Variants in NELL1 observed in about 807,000 individuals in gnomAD.
NELL1 encodes protein kinase C-binding protein NELL1.
A neutral mutation model predicts 107.4 loss-of-function variants in NELL1; 76 were observed. The observed-to-expected ratio is 0.71, with a 90% CI of 0.59 to 0.86. The LOEUF (loss-of-function observed/expected upper bound fraction) is 0.86, where lower values mean the gene tolerates loss of function less well. Ranked by LOEUF, NELL1 falls within the 40% of genes least tolerant of loss-of-function variation. The pLI is 0.00. For missense variants in NELL1, 1,024 were observed against 1,005.5 expected (o/e 1.02, Z -0.25); for synonymous variants, 353 against 341.2 (o/e 1.03, Z -0.38).
intron 15 of NELL1, among the ~76,000 whole-genome samples, chr11:21,431,733 G>A (rs535927512): frequency 2.6e-5 from 4 of 152,236 alleles, no homozygotes; most frequent in Non-Finnish European, 4.4e-5. Context: ...GAGTGGCCAC[G>A]ACTGTTTTGC....
intron 14 of NELL1, among the ~76,000 whole-genome samples, chr11:21,262,330 G>A (rs78840525): frequency 5.3e-5 from 8 of 151,780 alleles, no homozygotes; most frequent in East Asian, 3.9e-4. Flanking sequence ...TGAGAGCCCC[G>A]TTCCTATGTA....
At chr11:20,925,020 T>C (rs1850462386) in intron 7 of NELL1, among the ~76,000 whole-genome samples, 1 of 152,194 alleles carries the variant, frequency 6.6e-6, no homozygotes, top group Middle Eastern at 3.2e-3. Context: ...GTATTACTTA[T>C]TATAAGTTAT....
At chr11:20,713,928 T>C (rs1855172893) in intron 2 of NELL1, among the ~76,000 whole-genome samples, 1 of 152,218 alleles carries the variant, frequency 6.6e-6, no homozygotes, top group Admixed American at 6.5e-5. Flanking sequence ...TCTCCTGAGA[T>C]CTGGATATTC....
At chr11:21,457,081 T>G (rs1474660368) in intron 15 of NELL1, among the ~76,000 whole-genome samples, 1 of 152,094 alleles carries the variant, frequency 6.6e-6, no homozygotes, top group Non-Finnish European at 1.5e-5. Flanking sequence ...TTTAAAGAAG[T>G]CTTCTAGAAC....
intron 13 of NELL1, among the ~76,000 whole-genome samples, chr11:21,153,292 T>G (rs1306232113): frequency 2.6e-5 from 4 of 152,104 alleles, no homozygotes; most frequent in African/African-American, 7.2e-5. Flanking sequence ...TGGGGCCTTG[T>G]GTCTGAGTTA....
chr11:21,255,750 C>T (rs1308564374), intron 14 of NELL1, among the ~76,000 whole-genome samples: 2 of 151,882 alleles, frequency 1.3e-5, no homozygotes, highest in Admixed American at 6.6e-5. Context: ...CAGACATACC[C>T]AATTCATTCA....
chr11:21,392,472 C>A (rs1851900473), intron 15 of NELL1, among the ~76,000 whole-genome samples: 1 of 151,716 alleles, frequency 6.6e-6, no homozygotes, highest in African/African-American at 2.4e-5. Flanking sequence ...TTTATCATTT[C>A]TCCTGTGTGC....
intron 15 of NELL1, among the ~76,000 whole-genome samples, chr11:21,451,580 G>T (rs1328392097): frequency 6.6e-6 from 1 of 152,086 alleles, no homozygotes; most frequent in Non-Finnish European, 1.5e-5. Context: ...GTCCCAGAAA[G>T]AAATGAAAAA....
At chr11:21,402,225 A>G (rs972575993) in intron 15 of NELL1, among the ~76,000 whole-genome samples, 1 of 151,786 alleles carries the variant, frequency 6.6e-6, no homozygotes, top group African/African-American at 2.4e-5. Flanking sequence ...AAGTTTGACA[A>G]TTACACTCTA....
At chr11:20,894,733 A>G (rs1564954553) in intron 5 of NELL1, among the ~76,000 whole-genome samples, 2 of 152,212 alleles carry the variant, frequency 1.3e-5, no homozygotes, top group Non-Finnish European at 2.9e-5. Context: ...AAATGGACAT[A>G]TATATGTCCT....
chr11:21,498,333 T>TTATATATATATA lies in NELL1; in HGVS notation c.1646-36038_1646-36027dup, dbSNP rs34418018. On this transcript the variant is annotated intron_variant, in intron 15 of 19. Coordinates refer to ENST00000357134, the MANE Select transcript of NELL1 (RefSeq NM_006157.5). ...ATTTTGCTACACATCCATAAACATA[T>TTATATATATATA]TATATATATATATACATATATATAT... 3.5e-3 allele frequency among the ~76,000 whole-genome samples: 394 copies of TTATATATATATA among 113,640 alleles called. 9 individuals are homozygous for TTATATATATATA. In the East Asian group the frequency reaches 0.054, roughly 15 times the overall value. The allele number at this position is 113,640 out of a possible 152,430, so 74.6% of individuals were successfully genotyped here.
At chr11:21,263,170 A>T (rs1848566909) in intron 14 of NELL1, among the ~76,000 whole-genome samples, 1 of 151,834 alleles carries the variant, frequency 6.6e-6, no homozygotes, top group Non-Finnish European at 1.5e-5. Flanking sequence ...CTGTTAATGG[A>T]GTTCTCACAT....
intron 2 of NELL1, among the ~76,000 whole-genome samples, chr11:20,697,729 T>C (rs1256470485): frequency 1.3e-5 from 2 of 152,138 alleles, no homozygotes; most frequent in African/African-American, 2.4e-5. Flanking sequence ...GGATAAAGTC[T>C]TAAGAGTGTT....
At chr11:21,464,705 G>A (rs1853984911) in intron 15 of NELL1, among the ~76,000 whole-genome samples, 1 of 152,082 alleles carries the variant, frequency 6.6e-6, no homozygotes, top group African/African-American at 2.4e-5. Flanking sequence ...TAAGCTAGTT[G>A]TGTCCCTTTA....
chr11:20,740,669 T>C (rs986813550), intron 2 of NELL1, among the ~76,000 whole-genome samples: 1 of 152,238 alleles, frequency 6.6e-6, no homozygotes, highest in African/African-American at 2.4e-5. Context: ...AATGTTGTCA[T>C]GATGATGACA....
At chr11:20,992,690 T>G (rs1024081214) in intron 12 of NELL1, among the ~76,000 whole-genome samples, 2 of 151,318 alleles carry the variant, frequency 1.3e-5, no homozygotes, top group Admixed American at 1.3e-4. Context: ...TGACTGCTAC[T>G]TCCCTAGGCA....
At chr11:21,174,366 T>C (rs531788449) in intron 13 of NELL1, among the ~76,000 whole-genome samples, 8 of 151,970 alleles carry the variant, frequency 5.3e-5, no homozygotes, top group Middle Eastern at 3.4e-3. Context: ...TTAAGCTTTT[T>C]CCCCCATTCT....
intron 2 of NELL1, among the ~76,000 whole-genome samples, chr11:20,707,007 C>A (rs1377807939): frequency 2.0e-5 from 3 of 152,210 alleles, no homozygotes; most frequent in Admixed American, 6.5e-5. Context: ...GTACACCAAT[C>A]AGATGTAGAC....
chr11:21,514,578 CTCT>C (rs1855511576), intron 15 of NELL1, among the ~76,000 whole-genome samples: 1 of 152,290 alleles, frequency 6.6e-6, no homozygotes, highest in South Asian at 2.1e-4. Flanking sequence ...CCAGATTAAT[CTCT>C]TTTTTGTTTT....
Sources: gnomAD v4.1 joint callset for allele counts (sites outside exome capture counted in the v4.1 genomes callset) on GRCh38, gnomAD v4.1.1 for gene constraint, MANE v1.5 for transcripts, NCBI Gene and HGNC (gene_info 2026-07-23, HGNC 2026-07-21) for gene names.